The following SYTL5 variants were observed in gnomAD, a reference collection of about 807,000 sequenced individuals.
SYTL5 encodes synaptotagmin like 5.
SYTL5 carries 34 observed loss-of-function variants against 55.9 expected under a neutral mutation model. The observed-to-expected ratio is 0.61, with a 90% CI of 0.46 to 0.81. The LOEUF (loss-of-function observed/expected upper bound fraction) is 0.81, where lower values mean the gene tolerates loss of function less well. Among genes scored for constraint, SYTL5 ranks in the 30% least tolerant of loss-of-function variants. The pLI, the probability that SYTL5 is intolerant of heterozygous loss-of-function variation, is 0.00. For synonymous variants in SYTL5, 221 were observed against 188.7 expected (o/e 1.17, Z -1.40); for missense variants, 637 against 546.7 (o/e 1.17, Z -1.65).
At chrX:37,965,585 T>C in the SYTL5 span, among the ~76,000 whole-genome samples, 1 of 111,930 alleles carries the variant, frequency 8.9e-6, no homozygotes, top group African/African-American at 3.2e-5. Flanking sequence ...ACTTATTACT[T>C]TGGGGTGGAA....
intron 14 of SYTL5, 99 bp from the exon 15 acceptor site, chrX:38,121,981 G>T: frequency 3.6e-6 from 3 of 822,786 alleles, no homozygotes; most frequent in Non-Finnish European, 4.9e-6. Context: ...TGAAATATAT[G>T]TTTGTAGATG....
At position 38,126,651 on chromosome X, in the gene SYTL5, A is replaced by G; in HGVS notation, c.2114A>G (p.Gln705Arg). ...DSQGEEQRLW[Q>R]KMANNPGTPF... ...CAGGGGGAAGAGCAGCGCCTTTGGC[A>G]GAAGATGGCCAACAACCCTGGAACT... Residue 705 changes from glutamine to arginine, a missense_variant, in exon 17 of 17, where the codon CAG (glutamine) becomes CGG (arginine). Gln to Arg is a conservative substitution (Grantham distance 43). Coordinates refer to ENST00000297875, the MANE Select transcript of SYTL5 (RefSeq NM_138780.3). 1.7e-6 allele frequency: 2 copies of G among 1,210,723 alleles called. No individual in the cohort carries two copies. Among genetic ancestry groups the G allele is most frequent in the South Asian group, 1.8e-5 (1 of 56,670 alleles).
At chrX:38,014,093 T>G (rs1211651391) in intron 1 of SYTL5, among the ~76,000 whole-genome samples, 1 of 112,374 alleles carries the variant, frequency 8.9e-6, no homozygotes, top group Non-Finnish European at 1.9e-5. Context: ...TACACTGTCA[T>G]AATAAAACTC....
chrX:37,958,898 G>T, the SYTL5 span, among the ~76,000 whole-genome samples: 1 of 112,434 alleles, frequency 8.9e-6, no homozygotes, highest in African/African-American at 3.2e-5. Flanking sequence ...AAACCTTAAA[G>T]CTTAGAATGA....
chrX:38,006,485 A>C (rs924054999), upstream of SYTL5: 4 of 111,903 alleles, frequency 3.6e-5, no homozygotes, highest in African/African-American at 1.3e-4. Flanking sequence ...TGTCTGCAAC[A>C]GATAAACATT....
At chrX:38,108,532 G>T (rs1937271141) in intron 11 of SYTL5, 68 bp from the exon 12 acceptor site, 1 of 822,337 alleles carries the variant, frequency 1.2e-6, no homozygotes, top group Non-Finnish European at 1.8e-6. Flanking sequence ...TATTCACAGC[G>T]AAGTCTTTGA....
intron 2 of SYTL5, 142 bp from the exon 3 acceptor site, chrX:38,054,071 T>A: frequency 2.2e-6 from 1 of 452,738 alleles, no homozygotes; most frequent in East Asian, 3.7e-5. Flanking sequence ...AAATTCTAAG[T>A]GAGATTGCAT....
In SYTL5 at chrX:38,054,318, T is replaced by C. The variant is rs868016391; in HGVS notation, c.225T>C (p.Phe75=). The change falls in exon 3 of 17, where the codon TTT becomes TTC. Residue 75 remains phenylalanine, a synonymous_variant. Coordinates refer to ENST00000297875, the MANE Select transcript of SYTL5 (RefSeq NM_138780.3). ...VHCHRNLGLI[F]DRGDPCQACS... ...GTCACAGAAACCTGGGCCTAATCTT[T>C]GACCGGGGAGACCCTTGTCAGGCTT... is the stretch of plus-strand genomic sequence containing the variant. 5.0e-6 allele frequency: 6 copies of C among 1,209,373 alleles called. No individual in the cohort carries two copies. Among genetic ancestry groups the C allele is most frequent in the Non-Finnish European group, 6.7e-6 (6 of 895,081 alleles).
chrX:38,063,552 T>C (rs778467614), intron 3 of SYTL5, among the ~76,000 whole-genome samples: 2 of 111,736 alleles, frequency 1.8e-5, no homozygotes, highest in East Asian at 5.6e-4. Flanking sequence ...TTAGAACATC[T>C]TGTTTTGTAT....
the SYTL5 span, among the ~76,000 whole-genome samples, chrX:37,940,604 G>GTATATATA: frequency 8.1e-4 from 77 of 94,846 alleles, no homozygotes; most frequent in East Asian, 7.9e-3. Context: ...AGGTGTGTAT[G>GTATATATA]TATATATATA....
At chrX:38,028,167 G>A (rs917835956) in intron 1 of SYTL5, among the ~76,000 whole-genome samples, 3 of 111,418 alleles carry the variant, frequency 2.7e-5, no homozygotes, top group African/African-American at 6.5e-5. Flanking sequence ...TCAGCTCCTG[G>A]ACCTATTAGA....
chrX:37,946,582 G>A, the SYTL5 span: 5 of 154,924 alleles, frequency 3.2e-5, no homozygotes, highest in Admixed American at 4.0e-4. Context: ...TGCCCATCGT[G>A]GTTATGATAT....
the SYTL5 span, among the ~76,000 whole-genome samples, chrX:37,899,708 A>G: frequency 1.8e-5 from 2 of 111,739 alleles, no homozygotes; most frequent in Non-Finnish European, 3.8e-5. Flanking sequence ...TGATCGTGTT[A>G]TTTTAGTGCC....
At chrX:38,037,912 T>C (rs1046133987) in intron 2 of SYTL5, among the ~76,000 whole-genome samples, 1 of 111,230 alleles carries the variant, frequency 9.0e-6, no homozygotes, top group Non-Finnish European at 1.9e-5. Context: ...GATGATGGTA[T>C]AATTTGAATC....
chrX:37,938,408 A>G, the SYTL5 span, among the ~76,000 whole-genome samples: 1 of 112,492 alleles, frequency 8.9e-6, no homozygotes, highest in African/African-American at 3.2e-5. Context: ...TGGCTTTAAA[A>G]TACTTAAGCA....
At chrX:38,065,443 A>T (rs1016947038) in intron 3 of SYTL5, among the ~76,000 whole-genome samples, 1 of 112,044 alleles carries the variant, frequency 8.9e-6, no homozygotes, top group African/African-American at 3.2e-5. Context: ...ATTCGTGAAC[A>T]GTGATTTCTG....
chrX:38,012,146 G>T lies in SYTL5; in HGVS notation c.-357+5478G>T, dbSNP rs780491651. ...CTAACAGAATGCCAGGAAACACTCT[G>T]TTCCTACAATAAGAACATGTCTGAT... On this transcript the variant is annotated intron_variant, in intron 1 of 16. Transcript: ENST00000297875. Among the ~76,000 whole-genome samples, 85 of 112,075 alleles carry T rather than the reference G, an allele frequency of 7.6e-4. 1 individual carries two copies. Among genetic ancestry groups the T allele is most frequent in the African/African-American group, 2.6e-3 (79 of 30,859 alleles).
At position 38,125,351 on chromosome X, in the gene SYTL5, A is replaced by G. The variant is rs1157918575; in HGVS notation, c.1895A>G (p.Lys632Arg). ...KATKHKTLVIKKSVNPQWNHT... is the reference protein window; with the variant it reads ...KATKHKTLVIRKSVNPQWNHT... ...ACCAAGCACAAAACTCTGGTAATAA[A>G]AAAGAGTGTTAACCCTCAGTGGAAT... The change falls in exon 16 of 17, where the codon AAA becomes AGA. Residue 632 changes from lysine to arginine, a missense_variant. Physicochemically the swap from Lys to Arg is conservative, Grantham distance 26. Coordinates refer to ENST00000297875, the MANE Select transcript of SYTL5 (RefSeq NM_138780.3). The G allele has an allele frequency of 8.3e-7, 1 of 1,211,989 alleles. No individual in the cohort carries two copies.
At chrX:37,929,286 A>G in the SYTL5 span, among the ~76,000 whole-genome samples, 2 of 110,951 alleles carry the variant, frequency 1.8e-5, no homozygotes, top group Non-Finnish European at 3.8e-5. Flanking sequence ...TAATCTGAGG[A>G]GATAAGGGCT....
Sources: gnomAD v4.1 joint callset for allele counts (sites outside exome capture counted in the v4.1 genomes callset) on GRCh38, gnomAD v4.1.1 for gene constraint, MANE v1.5 for transcripts, NCBI Gene and HGNC (gene_info 2026-07-23, HGNC 2026-07-21) for gene names.